Variants in RBPMS observed in about 807,000 individuals in gnomAD.
RBPMS encodes RNA-binding protein with multiple splicing.
Under a neutral mutation model 26.8 loss-of-function variants are expected in RBPMS, and 7 were observed. That is an observed-to-expected ratio of 0.26 (90% confidence interval 0.15 to 0.49). RBPMS has a LOEUF of 0.49. Ranked by LOEUF, RBPMS falls within the 20% of genes least tolerant of loss-of-function variation. The pLI is 0.98. For synonymous variants in RBPMS, 96 were observed against 93.3 expected (o/e 1.03, Z -0.17); for missense variants, 186 against 250.0 (o/e 0.74, Z 1.73).
chr8:30,481,413 G>A (rs1329357455), intron 4 of RBPMS, among the ~76,000 whole-genome samples: 1 of 152,160 alleles, frequency 6.6e-6, no homozygotes, highest in African/African-American at 2.4e-5. Context: ...CAAATAGCAG[G>A]TAATGAACCT....
At chr8:30,463,447 C>T (rs777139261) in intron 1 of RBPMS, among the ~76,000 whole-genome samples, 1 of 152,196 alleles carries the variant, frequency 6.6e-6, no homozygotes, top group South Asian at 2.1e-4. Context: ...TTACTCATCA[C>T]GTGGACCACC....
chr8:30,411,966 A>G (rs555341034), intron 1 of RBPMS, among the ~76,000 whole-genome samples: 180 of 150,040 alleles, frequency 1.2e-3, no homozygotes, highest in Non-Finnish European at 2.2e-3. Flanking sequence ...AGCCTGGGCA[A>G]TAGAGTGAGA....
At chr8:30,388,869 AG>A (rs1261521067) in intron 1 of RBPMS, among the ~76,000 whole-genome samples, 2 of 152,128 alleles carry the variant, frequency 1.3e-5, no homozygotes, top group Non-Finnish European at 2.9e-5. Flanking sequence ...AAACTAAAAA[AG>A]CAAAAAACGT....
chr8:30,551,623 G>C (rs773596824), intron 6 of RBPMS, among the ~76,000 whole-genome samples: 1 of 152,178 alleles, frequency 6.6e-6, no homozygotes, highest in African/African-American at 2.4e-5. Flanking sequence ...ATAGTAGTAA[G>C]AGCCCAACCC....
intron 2 of RBPMS, among the ~76,000 whole-genome samples, chr8:30,476,674 G>A (rs1238273819): frequency 6.6e-6 from 1 of 152,204 alleles, no homozygotes; most frequent in Non-Finnish European, 1.5e-5. Context: ...GTCCCTGGAG[G>A]CTGACCCTAG....
rs753001749 is a variant in RBPMS at position 30,562,327 on chromosome 8, GAAAAAAA to G, written c.*7+3382_*7+3388del. ...GCCTGGGCGACAGAGCAAGACTGTC[GAAAAAAA>G]AAAAAAAAAAGAGTATGTAATGTCT... On this transcript the variant is annotated intron_variant, in intron 7 of 8. Coordinates refer to ENST00000397323, the MANE Select transcript of RBPMS (RefSeq NM_001008710.3). 5.8e-5 allele frequency among the ~76,000 whole-genome samples: 6 copies of G among 103,390 alleles called. No homozygotes were observed. The East Asian group carries it at 1.7e-3, about 29-fold the overall frequency. The allele number at this position is 103,390 out of a possible 152,430, so 67.8% of individuals were successfully genotyped here.
intron 1 of RBPMS, among the ~76,000 whole-genome samples, chr8:30,388,052 T>G (rs530125194): frequency 6.6e-6 from 1 of 152,288 alleles, no homozygotes; most frequent in Non-Finnish European, 1.5e-5. Context: ...AGAGAGATGA[T>G]ACATTTAACT....
intron 1 of RBPMS, among the ~76,000 whole-genome samples, chr8:30,450,609 A>G (rs1814449166): frequency 6.6e-6 from 1 of 152,072 alleles, no homozygotes; most frequent in Admixed American, 6.6e-5. Flanking sequence ...CTTGTCTTGG[A>G]ATTCATGACA....
intron 6 of RBPMS, chr8:30,544,910 C>T (rs1382963493): frequency 6.8e-7 from 1 of 1,480,796 alleles, no homozygotes. Flanking sequence ...GGTTTATCCA[C>T]CTGGCTCCCA....
rs1807587394 is a variant in RBPMS at position 30,389,923 on chromosome 8, G to A, written c.66+4765G>A. 1.3e-5 allele frequency among the ~76,000 whole-genome samples: 2 copies of A among 152,178 alleles called. 1 individual carries two copies. Among genetic ancestry groups the A allele is most frequent in the Non-Finnish European group, 2.9e-5 (2 of 68,020 alleles). On this transcript the variant is annotated intron_variant, in intron 1 of 8. Transcript: ENST00000397323. The stretch of plus-strand genomic sequence containing the variant: ...GGGCCACCGTGCTCTCTAAAGGCTG[G>A]AGAGGAGAACCTGTCCTTACCTCTT...
At position 30,519,728 on chromosome 8, in the gene RBPMS, C is replaced by T. The variant is rs537427112; in HGVS notation, c.397+15292C>T. Among the ~76,000 whole-genome samples the T allele has an allele frequency of 1.3e-3, 199 of 152,136 alleles. 2 individuals carry two copies. The highest frequency in any genetic ancestry group is 0.012 in the South Asian group (58 of 4,816). The stretch of plus-strand genomic sequence containing the variant: ...GACTATTGTCTCGATCTCCTGACCT[C>T]GTGATCTGCCCACCTCGGCCTCCCA... On this transcript the variant is annotated intron_variant, in intron 5 of 8. Transcript: ENST00000397323.
chr8:30,540,821 G>T (rs2151035991), intron 5 of RBPMS, among the ~76,000 whole-genome samples: 1 of 152,288 alleles, frequency 6.6e-6, no homozygotes, highest in South Asian at 2.1e-4. Flanking sequence ...TGTTGGTGAA[G>T]ATCAAACTGG....
chr8:30,549,772 T>TTTTTTCTTCTC (rs1182285469), intron 6 of RBPMS, among the ~76,000 whole-genome samples: 7 of 71,226 alleles, frequency 9.8e-5, no homozygotes, highest in Admixed American at 1.6e-4. Flanking sequence ...TTTTCTTTTC[T>TTTTTTCTTCTC]TCTCTCTCTC....
At chr8:30,493,253 C>A (rs894667587) in intron 4 of RBPMS, among the ~76,000 whole-genome samples, 2 of 152,212 alleles carry the variant, frequency 1.3e-5, no homozygotes, top group Non-Finnish European at 2.9e-5. Context: ...GAATTGAGAG[C>A]TATTGCCTAG....
At chr8:30,554,028 A>T (rs1445318119) in intron 6 of RBPMS, among the ~76,000 whole-genome samples, 1 of 152,180 alleles carries the variant, frequency 6.6e-6, no homozygotes, top group Non-Finnish European at 1.5e-5. Context: ...CACCCGCCTC[A>T]GCCTCCCGAA....
chr8:30,549,371 G>A (rs535471898), intron 6 of RBPMS: 44 of 761,954 alleles, frequency 5.8e-5, no homozygotes, highest in East Asian at 4.5e-4. Context: ...GTGGCTATCC[G>A]GAAAACGACA....
At position 30,555,892 on chromosome 8, in the gene RBPMS, G is replaced by A. The variant is rs536330985; in HGVS notation, c.529-2995G>A. On this transcript the variant is annotated intron_variant, in intron 6 of 8. Transcript: ENST00000397323. Reference sequence around the variant, plus strand: ...TCATTACCCCCACACAGTGATTAGCGCGGAGCAGCTTGTTCCCCCCCACCG... The same window carrying A: ...TCATTACCCCCACACAGTGATTAGCACGGAGCAGCTTGTTCCCCCCCACCG... The A allele has an allele frequency of 8.1e-6, 8 of 985,402 alleles. No homozygotes were observed. In the South Asian group the frequency reaches 1.4e-4, roughly 17 times the overall value. 61.0% of individuals were successfully genotyped at this position (985,402 alleles called of 1,614,324 possible). A position where few individuals can be genotyped will look rare whatever the true frequency, so the allele number is the denominator to read the frequency against.
rs141919461 is a variant in RBPMS at position 30,526,608 on chromosome 8, C to T, written c.398-17886C>T. 1.4e-4 allele frequency among the ~76,000 whole-genome samples: 22 copies of T among 152,258 alleles called. No homozygotes were observed. The East Asian group carries it at 3.5e-3, about 24-fold the overall frequency. ...CAGCCTGGAGAAAAGCAATTCTGAA[C>T]GTATGTGGCTACCCCTTGATTTAGA... On this transcript the variant is annotated intron_variant, in intron 5 of 8. Coordinates refer to ENST00000397323, the MANE Select transcript of RBPMS (RefSeq NM_001008710.3).
intron 1 of RBPMS, among the ~76,000 whole-genome samples, chr8:30,428,595 T>C (rs1215762852): frequency 5.3e-5 from 8 of 152,176 alleles, no homozygotes; most frequent in Non-Finnish European, 1.0e-4. Context: ...ATTAAGTTAA[T>C]TCTGCATTCT....
Sources: allele counts gnomAD v4.1 joint callset (sites outside exome capture counted in the v4.1 genomes callset), GRCh38; gene constraint gnomAD v4.1.1; transcripts MANE v1.5; gene names NCBI Gene and HGNC (gene_info 2026-07-23, HGNC 2026-07-21).